Variants in TRAK1 observed in about 807,000 individuals in gnomAD.
TRAK1 encodes trafficking kinesin-binding protein 1.
A neutral mutation model predicts 92.1 loss-of-function variants in TRAK1; 33 were observed. That is an observed-to-expected ratio of 0.36 (90% confidence interval 0.27 to 0.48). The LOEUF is 0.48. TRAK1 is among the 20% of genes least tolerant of loss of function. TRAK1 has a pLI of 0.99. For missense variants in TRAK1, 1,123 were observed against 1,257.9 expected (o/e 0.89, Z 1.62); for synonymous variants, 521 against 517.3 (o/e 1.01, Z -0.10).
intron 7 of TRAK1, 112 bp downstream of exon 7, chr3:42,191,748 C>T (rs1262729973): frequency 8.3e-7 from 1 of 1,209,138 alleles, no homozygotes; most frequent in Non-Finnish European, 1.1e-6. Flanking sequence ...GGCTCAGCAG[C>T]ATTTTTCTTA....
chr3:42,127,763 A>G (rs929057010), intron 2 of TRAK1, among the ~76,000 whole-genome samples: 2 of 152,130 alleles, frequency 1.3e-5, no homozygotes, highest in Non-Finnish European at 2.9e-5. Flanking sequence ...AAATTGCCTC[A>G]TTTCATTCCT....
chr3:42,029,644 G>T (rs574620872), intron 1 of TRAK1, among the ~76,000 whole-genome samples: 1 of 150,024 alleles, frequency 6.7e-6, no homozygotes, highest in African/African-American at 2.5e-5. Context: ...CTGCCTCCCC[G>T]GTTCAAGTGA....
upstream of TRAK1, among the ~76,000 whole-genome samples, chr3:42,089,122 C>T (rs937702369): frequency 6.6e-6 from 1 of 152,184 alleles, no homozygotes. Context: ...TTAGGGTTTT[C>T]CCCATCCTTG....
At chr3:42,147,174 A>C (rs1180305871) in intron 2 of TRAK1, among the ~76,000 whole-genome samples, 1 of 152,194 alleles carries the variant, frequency 6.6e-6, no homozygotes, top group Non-Finnish European at 1.5e-5. Context: ...TGTGTCAGAT[A>C]GCAGGGGCAG....
chr3:42,163,430 A>G (rs921587405), intron 2 of TRAK1, among the ~76,000 whole-genome samples: 6 of 152,116 alleles, frequency 3.9e-5, no homozygotes, highest in African/African-American at 1.4e-4. Context: ...TTAGCTGGGC[A>G]TGGTGGCGGG....
At chr3:42,122,699 T>A (rs1331335330) in intron 1 of TRAK1, among the ~76,000 whole-genome samples, 1 of 152,204 alleles carries the variant, frequency 6.6e-6, no homozygotes, top group East Asian at 1.9e-4. Context: ...GGGCCCATCT[T>A]GAGCCTTTGG....
At chr3:42,209,276 T>C (rs529205758) in intron 13 of TRAK1, among the ~76,000 whole-genome samples, 1 of 152,340 alleles carries the variant, frequency 6.6e-6, no homozygotes, top group South Asian at 2.1e-4. Flanking sequence ...TCTCTTGCTG[T>C]TGGTCGTGGG....
chr3:42,095,060 A>AC (rs1705704819), intron 1 of TRAK1, among the ~76,000 whole-genome samples: 1 of 152,222 alleles, frequency 6.6e-6, no homozygotes, highest in Non-Finnish European at 1.5e-5. Flanking sequence ...CAGAAACACT[A>AC]CCACAGACAC....
chr3:42,217,880 TCTTA>T, intron 14 of TRAK1: 3 of 985,398 alleles, frequency 3.0e-6, no homozygotes, highest in Non-Finnish European at 3.6e-6. Flanking sequence ...TGTGGCAGTT[TCTTA>T]CTTATTGGAG....
intron 2 of TRAK1, among the ~76,000 whole-genome samples, chr3:42,126,526 AAAATGAAT>A (rs1653437404): frequency 6.6e-6 from 1 of 152,234 alleles, no homozygotes; most frequent in Non-Finnish European, 1.5e-5. Context: ...GATAATTTAA[AAAATGAAT>A]ACTTTATGAT....
At chr3:42,043,087 C>A (rs547304397) in intron 1 of TRAK1, among the ~76,000 whole-genome samples, 1 of 151,992 alleles carries the variant, frequency 6.6e-6, no homozygotes, top group Non-Finnish European at 1.5e-5. Context: ...CTTTCCTCTC[C>A]CTTTAAGGGT....
chr3:42,172,216 C>G (rs1395939682), intron 2 of TRAK1, among the ~76,000 whole-genome samples: 3 of 152,194 alleles, frequency 2.0e-5, no homozygotes, highest in African/African-American at 7.2e-5. Flanking sequence ...TTGTGGGCAG[C>G]CCTCTGCCTG....
At chr3:42,181,370 G>A (rs986035946) in intron 3 of TRAK1, among the ~76,000 whole-genome samples, 4 of 152,086 alleles carry the variant, frequency 2.6e-5, no homozygotes, top group Non-Finnish European at 5.9e-5. Flanking sequence ...ATGGTGAAAC[G>A]CCATTTCTAC....
At chr3:42,014,246 G>A (rs1177192744) in intron 1 of TRAK1, 1 of 152,382 alleles carries the variant, frequency 6.6e-6, no homozygotes, top group African/African-American at 2.4e-5. Context: ...GGGACCCTGC[G>A]GGGACAGCCC....
chr3:42,100,066 A>C (rs1706525852), intron 1 of TRAK1, among the ~76,000 whole-genome samples: 2 of 152,198 alleles, frequency 1.3e-5, no homozygotes, highest in Admixed American at 1.3e-4. Context: ...AATCGTAGGC[A>C]GAGACTGCCA....
rs1361604218 is a variant in TRAK1, at chr3:42,132,938, C to T, written c.286+7324C>T. The stretch of plus-strand genomic sequence containing the variant: ...TCTTAATAAATACAACGTGGTTTAC[C>T]CCATTTCTGTATCCTCCTGGCCATC... On this transcript the variant is annotated intron_variant, in intron 2 of 15. Transcript: ENST00000327628. 2.0e-5 allele frequency among the ~76,000 whole-genome samples: 3 copies of T among 152,166 alleles called. No individual in the cohort carries two copies. In the South Asian group the frequency reaches 6.2e-4, roughly 32 times the overall value.
intron 1 of TRAK1, among the ~76,000 whole-genome samples, chr3:42,097,401 T>A (rs902942191): frequency 6.6e-6 from 1 of 152,164 alleles, no homozygotes; most frequent in African/African-American, 2.4e-5. Flanking sequence ...GTTCAGACGA[T>A]GTGGGAGAAG....
At chr3:42,094,189 TGAGA>T (rs1395323346) in intron 1 of TRAK1, among the ~76,000 whole-genome samples, 1 of 152,172 alleles carries the variant, frequency 6.6e-6, no homozygotes, top group African/African-American at 2.4e-5. Context: ...TGGGAGTGAC[TGAGA>T]GGATTCAGGG....
chr3:42,172,138 AC>A (rs1245842474), intron 2 of TRAK1, among the ~76,000 whole-genome samples: 2 of 152,170 alleles, frequency 1.3e-5, no homozygotes, highest in African/African-American at 2.4e-5. Flanking sequence ...ATTCTCCCAA[AC>A]CAAAAATCTC....
Sources: gnomAD v4.1 joint callset for allele counts (sites outside exome capture counted in the v4.1 genomes callset) on GRCh38, gnomAD v4.1.1 for gene constraint, MANE v1.5 for transcripts, NCBI Gene and HGNC (gene_info 2026-07-23, HGNC 2026-07-21) for gene names.